TMLHE: variants seen among roughly 807,000 people sequenced by gnomAD.
TMLHE encodes the protein trimethyllysine dioxygenase, mitochondrial.
In TMLHE, 18 loss-of-function variants were observed where a neutral mutation model predicts 25.7. The observed-to-expected ratio is 0.70, with a 90% CI of 0.48 to 1.04. The LOEUF (loss-of-function observed/expected upper bound fraction) is 1.04. Ranked by LOEUF, TMLHE falls within the 50% of genes least tolerant of loss-of-function variation. The probability of loss-of-function intolerance (pLI) is 0.00; values close to 1 mark genes in which losing one functional copy is unlikely to be tolerated. For missense variants in TMLHE, 236 were observed against 259.0 expected (o/e 0.91, Z 0.61); for synonymous variants, 105 against 97.0 (o/e 1.08, Z -0.49).
chrX:155,506,837 A>T, intron 6 of TMLHE, 61 bp downstream of exon 6: 1 of 971,084 alleles, frequency 1.0e-6, no homozygotes. Flanking sequence ...GATTTTTGTT[A>T]CATTAGAAGG....
At chrX:155,556,444 C>T (rs1018273630) in intron 1 of TMLHE, among the ~76,000 whole-genome samples, 6 of 110,491 alleles carry the variant, frequency 5.4e-5, no homozygotes, top group Non-Finnish European at 7.6e-5. Flanking sequence ...TAAAGCTGGG[C>T]GTCCTGGGGA....
chrX:155,513,088 C>G (rs1199014692), intron 4 of TMLHE, among the ~76,000 whole-genome samples: 2 of 111,323 alleles, frequency 1.8e-5, no homozygotes, highest in Non-Finnish European at 3.8e-5. Context: ...GTGATTCAAA[C>G]TGAATGGCTC....
intron 1 of TMLHE, among the ~76,000 whole-genome samples, chrX:155,545,904 G>A (rs781917206): frequency 9.0e-6 from 1 of 110,615 alleles, no homozygotes; most frequent in African/African-American, 3.3e-5. Flanking sequence ...GCTGAATGAG[G>A]CATTTCTCAG....
chrX:155,558,372 A>G (rs1557341184), intron 1 of TMLHE, among the ~76,000 whole-genome samples: 1 of 111,678 alleles, frequency 9.0e-6, no homozygotes. Flanking sequence ...GTTCTCTCAT[A>G]ATAGTCTTTA....
intron 6 of TMLHE, among the ~76,000 whole-genome samples, chrX:155,505,382 G>A (rs1480351849): frequency 3.6e-5 from 4 of 111,719 alleles, no homozygotes; most frequent in African/African-American, 1.3e-4. Context: ...TTATCCAAGG[G>A]AAGTAAATTA....
intron 1 of TMLHE, among the ~76,000 whole-genome samples, chrX:155,597,056 G>A (rs1248894002): frequency 1.3e-5 from 1 of 77,940 alleles, no homozygotes; most frequent in Non-Finnish European, 2.3e-5. Context: ...AGTCCCCAGT[G>A]TGTGATGTTC....
Position 155,560,591 on chromosome X carries a change from AGGATATCTGG to A in TMLHE, c.-1-15324_-1-15315del, listed in dbSNP as rs1423755506. On this transcript the variant is annotated intron_variant, in intron 1 of 7. Transcript: ENST00000334398. Reference sequence around the variant, plus strand: ...TTGATCAAAGGAGGAGTTAGTCATAAGGATATCTGGGGTAAAGTAGACTAGGCAGAGGGGA... The same window carrying A: ...TTGATCAAAGGAGGAGTTAGTCATAAGGTAAAGTAGACTAGGCAGAGGGGA... 4.7e-5 allele frequency among the ~76,000 whole-genome samples: 2 copies of A among 42,733 alleles called. 1 individual carries two copies. The highest frequency in any genetic ancestry group is 1.7e-4 in the Non-Finnish European group (2 of 11,744). The allele number at this position is 42,733 out of a possible 115,157, so 37.1% of individuals were successfully genotyped here. A position where few individuals can be genotyped will look rare whatever the true frequency, so the allele number is the denominator to read the frequency against.
intron 1 of TMLHE, among the ~76,000 whole-genome samples, chrX:155,605,931 CA>C (rs1172975794): frequency 9.1e-6 from 1 of 109,320 alleles, no homozygotes; most frequent in Admixed American, 9.7e-5. Context: ...AAACAAAGAA[CA>C]AAAAAAAGCA....
intron 1 of TMLHE, among the ~76,000 whole-genome samples, chrX:155,550,815 T>C (rs782077472): frequency 9.0e-6 from 1 of 110,661 alleles, no homozygotes; most frequent in South Asian, 3.8e-4. Flanking sequence ...ATTTTGAGTG[T>C]ATATGAACCA....
intron 1 of TMLHE, among the ~76,000 whole-genome samples, chrX:155,607,459 CCA>C (rs782818080): frequency 1.8e-5 from 2 of 111,041 alleles, no homozygotes; most frequent in Non-Finnish European, 3.8e-5. Flanking sequence ...AAACCCACAG[CCA>C]ACATATACTG....
chrX:155,536,954 A>G (rs2067282474), intron 2 of TMLHE, among the ~76,000 whole-genome samples: 1 of 111,900 alleles, frequency 8.9e-6, no homozygotes, highest in Non-Finnish European at 1.9e-5. Flanking sequence ...CAGAAAAGAA[A>G]TTTGAAACTC....
At chrX:155,536,745 A>G (rs2067281317) in intron 2 of TMLHE, among the ~76,000 whole-genome samples, 1 of 111,462 alleles carries the variant, frequency 9.0e-6, no homozygotes, top group Admixed American at 9.5e-5. Context: ...ATAGGTATCA[A>G]CTCAATTTAC....
rs138883775 is a variant in TMLHE, at chrX:155,530,464, A to T, written c.182-5832T>A. Among the ~76,000 whole-genome samples, 20 of 112,310 alleles carry T rather than the reference A, an allele frequency of 1.8e-4. No individual in the cohort carries two copies. In the East Asian group the frequency reaches 5.6e-3, roughly 31 times the overall value. On this transcript the variant is annotated intron_variant, in intron 2 of 7. Coordinates refer to ENST00000334398, the MANE Select transcript of TMLHE (RefSeq NM_018196.4). The stretch of plus-strand genomic sequence containing the variant: ...CACAAAGTAGCAGATATGTAGAATG[A>T]TCAGATCTAGATGTCTGTTATATAA...
chrX:155,559,698 C>A (rs976051424), intron 1 of TMLHE, among the ~76,000 whole-genome samples: 14 of 112,132 alleles, frequency 1.2e-4, no homozygotes, highest in African/African-American at 4.2e-4. Flanking sequence ...GCCAAGAGTG[C>A]ATTTAGCTCC....
chrX:155,549,189 G>C (rs781884713), intron 1 of TMLHE, among the ~76,000 whole-genome samples: 11 of 111,100 alleles, frequency 9.9e-5, no homozygotes, highest in Non-Finnish European at 1.9e-4. Context: ...TATATGAATA[G>C]AGTTCTACAT....
intron 1 of TMLHE, among the ~76,000 whole-genome samples, chrX:155,551,769 T>C (rs2067417247): frequency 9.1e-6 from 1 of 110,411 alleles, no homozygotes; most frequent in Non-Finnish European, 1.9e-5. Flanking sequence ...GGGTTATCTG[T>C]GAGTCTGCCT....
chrX:155,526,972 G>T (rs2067223460), intron 2 of TMLHE, among the ~76,000 whole-genome samples: 1 of 112,599 alleles, frequency 8.9e-6, no homozygotes. Context: ...CAAGCTCATA[G>T]GTGGAAGAGA....
chrX:155,531,958 C>A lies in TMLHE; in HGVS notation c.182-7326G>T, dbSNP rs184885425. Among the ~76,000 whole-genome samples, 430 of 111,430 alleles carry A rather than the reference C, an allele frequency of 3.9e-3. 1 individual carries two copies. Among genetic ancestry groups the A allele is most frequent in the African/African-American group, 0.013 (392 of 30,615 alleles). ...TGACCCCAGTGCAATGCTTAGGAAA[C>A]CACAGTTAAAAATAAAAACAAGAAG... On this transcript the variant is annotated intron_variant, in intron 2 of 7. Transcript: ENST00000334398.
chrX:155,589,879 A>G (rs954990871), intron 1 of TMLHE, among the ~76,000 whole-genome samples: 28 of 112,215 alleles, frequency 2.5e-4, no homozygotes, highest in African/African-American at 9.1e-4. Flanking sequence ...GCATGTAACA[A>G]ATACTCATAT....
Sources: gnomAD v4.1 joint callset for allele counts (sites outside exome capture counted in the v4.1 genomes callset) on GRCh38, gnomAD v4.1.1 for gene constraint, MANE v1.5 for transcripts, NCBI Gene and HGNC (gene_info 2026-07-23, HGNC 2026-07-21) for gene names.